STS: variants seen among roughly 807,000 people sequenced by gnomAD.
The protein encoded by STS is steroid sulfatase.
A neutral mutation model predicts 26.8 loss-of-function variants in STS; 7 were observed. The observed-to-expected ratio is 0.26, with a 90% CI of 0.15 to 0.49. The LOEUF is 0.49. Ranked by LOEUF, STS falls within the 20% of genes least tolerant of loss-of-function variation. The pLI is 0.98. For synonymous variants in STS, 199 were observed against 189.4 expected (o/e 1.05, Z -0.42); for missense variants, 434 against 465.6 (o/e 0.93, Z 0.63).
At chrX:7,343,260 G>A (rs761146230) in intron 10 of STS, among the ~76,000 whole-genome samples, 2 of 111,934 alleles carry the variant, frequency 1.8e-5, no homozygotes, top group South Asian at 3.7e-4. Context: ...GATACATTAA[G>A]AGCCACTGTG....
chrX:7,196,285 A>G (rs1415298045), intron 2 of STS, among the ~76,000 whole-genome samples: 1 of 111,739 alleles, frequency 8.9e-6, no homozygotes, highest in Non-Finnish European at 1.9e-5. Flanking sequence ...GCCTTCTCCA[A>G]CCTTAAGAGT....
chrX:7,271,111 C>T (rs1369784070), intron 6 of STS, among the ~76,000 whole-genome samples: 1 of 109,931 alleles, frequency 9.1e-6, no homozygotes, highest in East Asian at 2.9e-4. Context: ...AATAGCTCCT[C>T]GTTCTCAGCA....
At chrX:7,161,056 A>G (rs1046069427) in intron 1 of STS, among the ~76,000 whole-genome samples, 1 of 111,266 alleles carries the variant, frequency 9.0e-6, no homozygotes, top group East Asian at 2.8e-4. Flanking sequence ...CCTGGGTTCC[A>G]GCAATTCTTC....
chrX:7,295,540 C>T (rs187403212), intron 7 of STS, among the ~76,000 whole-genome samples: 17 of 110,772 alleles, frequency 1.5e-4, no homozygotes, highest in Non-Finnish European at 2.5e-4. Context: ...GATGAGAAAA[C>T]GTCTATAATG....
chrX:7,211,079 G>C lies in STS; in HGVS notation c.-5+20071G>C, dbSNP rs1244103023. On this transcript the variant is annotated intron_variant, in intron 2 of 10. Transcript: ENST00000674429. ...ACATGAATGTTGTAGTCACCATGTT[G>C]TAGGAAAGATCTCTGGAACTCTTGC... Among the ~76,000 whole-genome samples, 3 of 111,847 alleles carry C rather than the reference G, an allele frequency of 2.7e-5. No homozygotes were observed. The East Asian group carries it at 8.4e-4, about 31-fold the overall frequency.
intron 7 of STS, among the ~76,000 whole-genome samples, chrX:7,301,522 T>C (rs1925965392): frequency 8.9e-6 from 1 of 111,830 alleles, no homozygotes; most frequent in South Asian, 3.8e-4. Flanking sequence ...TGTATTCATG[T>C]GGTATATTTG....
intron 10 of STS, among the ~76,000 whole-genome samples, chrX:7,335,884 G>C (rs1040176933): frequency 9.0e-6 from 1 of 111,523 alleles, no homozygotes; most frequent in Non-Finnish European, 1.9e-5. Context: ...CCCATTTCTT[G>C]TTTTTGTCAG....
intron 6 of STS, among the ~76,000 whole-genome samples, chrX:7,263,892 A>G (rs1257312217): frequency 9.0e-6 from 1 of 111,690 alleles, no homozygotes. Context: ...ATTGAAATTG[A>G]TTTCCAAGGG....
At chrX:7,346,117 T>C (rs1928513203) in intron 10 of STS, among the ~76,000 whole-genome samples, 1 of 112,180 alleles carries the variant, frequency 8.9e-6, no homozygotes, top group African/African-American at 3.2e-5. Flanking sequence ...ATAGCTGTTT[T>C]AGGATCCTAT....
At chrX:7,234,193 G>A (rs1382701740) in intron 2 of STS, among the ~76,000 whole-genome samples, 2 of 112,285 alleles carry the variant, frequency 1.8e-5, no homozygotes, top group African/African-American at 6.5e-5. Flanking sequence ...CCTGGAAAAT[G>A]CAAATATACA....
chrX:7,199,366 T>A (rs1934027778), intron 2 of STS, among the ~76,000 whole-genome samples: 1 of 112,147 alleles, frequency 8.9e-6, no homozygotes, highest in Non-Finnish European at 1.9e-5. Context: ...ATGGTTAGTA[T>A]AATACTTGTG....
In STS at chrX:7,325,349, A is replaced by C. The variant is rs770493753; in HGVS notation, c.1092A>C (p.Ala364=). The change falls in exon 9 of 11, where the codon GCA becomes GCC. Residue 364 remains alanine, a synonymous_variant. Transcript: ENST00000674429. ...TTTTTGATCTTTTAGGAGGAAAAGC[A>C]AACAACTGGGAAGGAGGTATCCGGG... ...GSNGIYKGGK[A]NNWEGGIRVP... The C allele has an allele frequency of 8.3e-7, 1 of 1,211,577 alleles. No homozygotes were observed. The highest frequency in any genetic ancestry group is 2.2e-5 in the Admixed American group (1 of 46,017).
chrX:7,339,328 C>T (rs1165209243), intron 10 of STS, among the ~76,000 whole-genome samples: 1 of 112,252 alleles, frequency 8.9e-6, no homozygotes, highest in African/African-American at 3.2e-5. Flanking sequence ...AATTTAAGCT[C>T]ACCAGGATCT....
intron 7 of STS, among the ~76,000 whole-genome samples, chrX:7,278,024 A>G (rs1384242307): frequency 6.2e-5 from 7 of 112,363 alleles, no homozygotes; most frequent in African/African-American, 2.3e-4. Context: ...TACATGCCTG[A>G]CTCATTAGAA....
chrX:7,262,459 C>T (rs1280884336), intron 6 of STS, among the ~76,000 whole-genome samples: 2 of 111,625 alleles, frequency 1.8e-5, no homozygotes, highest in Non-Finnish European at 3.8e-5. Context: ...AGGCAGTCTC[C>T]CCATGTCTTC....
intron 2 of STS, among the ~76,000 whole-genome samples, chrX:7,203,846 A>G (rs1358501232): frequency 5.4e-5 from 6 of 111,524 alleles, no homozygotes; most frequent in Non-Finnish European, 9.4e-5. Flanking sequence ...ATACGATGGC[A>G]CAGTCATAGC....
intron 2 of STS, among the ~76,000 whole-genome samples, chrX:7,239,417 C>T (rs1374512945): frequency 2.7e-5 from 3 of 112,050 alleles, no homozygotes; most frequent in South Asian, 3.7e-4. Context: ...CCTTCTTCCC[C>T]ATCGAGCAAA....
At chrX:7,243,127 A>G (rs1218053731) in intron 2 of STS, among the ~76,000 whole-genome samples, 1 of 112,067 alleles carries the variant, frequency 8.9e-6, no homozygotes. Context: ...CAGTGGCGCA[A>G]TCATAGCTCA....
chrX:7,279,795 G>A (rs746280388), intron 7 of STS, among the ~76,000 whole-genome samples: 2 of 110,436 alleles, frequency 1.8e-5, no homozygotes, highest in African/African-American at 3.3e-5. Flanking sequence ...AGGCTTCTTC[G>A]GTTTAGCATG....
Sources: allele counts gnomAD v4.1 joint callset (sites outside exome capture counted in the v4.1 genomes callset), GRCh38; gene constraint gnomAD v4.1.1; transcripts MANE v1.5; gene names NCBI Gene and HGNC (gene_info 2026-07-23, HGNC 2026-07-21).